The following CNTNAP3 variants were observed in gnomAD, a reference collection of about 807,000 sequenced individuals.
CNTNAP3 encodes contactin associated protein family member 3, also known as contactin-associated protein-like 3.
A neutral mutation model predicts 92.1 loss-of-function variants in CNTNAP3; 36 were observed. That is an observed-to-expected ratio of 0.39 (90% CI 0.30 to 0.52). The LOEUF is 0.52. CNTNAP3 is among the 20% of genes least tolerant of loss of function. The pLI is 0.76. For missense variants in CNTNAP3, 534 were observed against 1,069.6 expected (o/e 0.50, Z 6.98); for synonymous variants, 232 against 422.3 (o/e 0.55, Z 5.53).
chr9:39,086,693 G>C, intron 20 of CNTNAP3, 23 bp downstream of exon 20: 1 of 1,604,890 alleles, frequency 6.2e-7, no homozygotes, highest in South Asian at 1.1e-5. Context: ...TAGTTAGTTT[G>C]ACTTTTGCAT....
At chr9:39,168,006 G>GTTTTTTT (rs201151152) in intron 8 of CNTNAP3, among the ~76,000 whole-genome samples, 3 of 140,966 alleles carry the variant, frequency 2.1e-5, no homozygotes, top group African/African-American at 8.0e-5. Flanking sequence ...TTTACCTTGA[G>GTTTTTTT]TTTTTTTTTG....
chr9:39,084,247 G>A (rs1323342247), intron 21 of CNTNAP3, among the ~76,000 whole-genome samples: 5 of 141,928 alleles, frequency 3.5e-5, no homozygotes, highest in African/African-American at 1.3e-4. Context: ...CATCCAGGCT[G>A]GAGTGCAGGA....
At chr9:39,134,705 G>T (rs940609987) in intron 12 of CNTNAP3, among the ~76,000 whole-genome samples, 1 of 152,224 alleles carries the variant, frequency 6.6e-6, no homozygotes, top group Non-Finnish European at 1.5e-5. Context: ...TGGGATTACA[G>T]GTGTGAGCCA....
intron 11 of CNTNAP3, among the ~76,000 whole-genome samples, chr9:39,140,907 A>G (rs1318137111): frequency 6.6e-6 from 1 of 152,224 alleles, no homozygotes; most frequent in Non-Finnish European, 1.5e-5. Context: ...ATTTGGTCAC[A>G]GTGTATTTCT....
intron 20 of CNTNAP3, chr9:39,086,460 T>C (rs1826063346): frequency 2.2e-6 from 1 of 463,662 alleles, no homozygotes; most frequent in Admixed American, 3.8e-5. Flanking sequence ...AATAGATATT[T>C]TGATATTTTA....
intron 12 of CNTNAP3, among the ~76,000 whole-genome samples, chr9:39,134,688 A>G (rs1270972631): frequency 2.0e-5 from 3 of 152,212 alleles, no homozygotes; most frequent in Admixed American, 2.0e-4. Context: ...TTGGCCTCCC[A>G]AAGTGCTGGG....
At chr9:39,134,099 T>C (rs938261704) in intron 12 of CNTNAP3, among the ~76,000 whole-genome samples, 6 of 152,120 alleles carry the variant, frequency 3.9e-5, no homozygotes, top group East Asian at 1.9e-4. Context: ...CTGCTAACTG[T>C]GCGTAAGACA....
Position 39,101,487 on chromosome 9 carries a change from C to T in CNTNAP3, c.2755+1010G>A, listed in dbSNP as rs1164331268. Among the ~76,000 whole-genome samples, 7 of 139,048 alleles carry T rather than the reference C, an allele frequency of 5.0e-5. 3 individuals carry two copies. The highest frequency in any genetic ancestry group is 9.5e-5 in the Non-Finnish European group (6 of 63,378). 91.2% of individuals were successfully genotyped at this position (139,048 alleles called of 152,430 possible). A position where few individuals can be genotyped will look rare whatever the true frequency, so the allele number is the denominator to read the frequency against. On this transcript the variant is annotated intron_variant, in intron 17 of 23. Coordinates refer to ENST00000297668, the MANE Select transcript of CNTNAP3 (RefSeq NM_033655.5). ...GGAAAAATAAACAACAGTGATAAAACAGTAAGTAAGCAAACTAAAGGAAAG... is the reference window on the plus strand; with the variant it reads ...GGAAAAATAAACAACAGTGATAAAATAGTAAGTAAGCAAACTAAAGGAAAG...
At chr9:39,083,707 A>G (rs1386775151) in intron 21 of CNTNAP3, among the ~76,000 whole-genome samples, 1 of 151,806 alleles carries the variant, frequency 6.6e-6, no homozygotes, top group Non-Finnish European at 1.5e-5. Flanking sequence ...GCAAAACAGA[A>G]AGAATACAAT....
At position 39,083,215 on chromosome 9, in the gene CNTNAP3, C is replaced by A. The variant is rs542506365; in HGVS notation, c.3442+2521G>T. Among the ~76,000 whole-genome samples the A allele has an allele frequency of 3.4e-3, 521 of 152,090 alleles. 4 individuals are homozygous for A. The highest frequency in any genetic ancestry group is 6.8e-3 in the Middle Eastern group (2 of 294). On this transcript the variant is annotated intron_variant, in intron 21 of 23. Transcript: ENST00000297668. ...TTCAGTGGGTTTTCTTTTCTTCAGCCTAGAATGTATACCTCCTAAGGTATA... is the reference window on the plus strand; with the variant it reads ...TTCAGTGGGTTTTCTTTTCTTCAGCATAGAATGTATACCTCCTAAGGTATA...
intron 12 of CNTNAP3, 28 bp downstream of exon 12, chr9:39,140,491 T>C: frequency 1.2e-6 from 2 of 1,612,480 alleles, no homozygotes; most frequent in South Asian, 2.2e-5. Flanking sequence ...TCTATTCTGA[T>C]ATATGCATAT....
intron 14 of CNTNAP3, among the ~76,000 whole-genome samples, chr9:39,110,931 T>C (rs1287694069): frequency 6.6e-6 from 1 of 152,178 alleles, no homozygotes; most frequent in Non-Finnish European, 1.5e-5. Flanking sequence ...TTTTTTAAAT[T>C]GCCCAGTTCT....
intron 19 of CNTNAP3, 35 bp downstream of exon 19, chr9:39,088,388 A>C: frequency 6.9e-7 from 1 of 1,450,174 alleles, no homozygotes; most frequent in African/African-American, 1.4e-5. Flanking sequence ...TTTCTAACTC[A>C]GGGTTCTCTT....
intron 12 of CNTNAP3, among the ~76,000 whole-genome samples, chr9:39,134,601 T>G (rs1407712226): frequency 1.3e-5 from 2 of 151,950 alleles, no homozygotes; most frequent in Non-Finnish European, 2.9e-5. Context: ...ATTTTTGTAT[T>G]TTTTTAGTAG....
chr9:39,143,449 T>G (rs945826322), intron 11 of CNTNAP3, among the ~76,000 whole-genome samples: 2 of 152,012 alleles, frequency 1.3e-5, no homozygotes, highest in African/African-American at 4.8e-5. Context: ...GCCAAGGCTG[T>G]GGAGCCAACC....
chr9:39,124,693 C>T (rs557772028), intron 13 of CNTNAP3, among the ~76,000 whole-genome samples: 5,989 of 151,930 alleles, frequency 0.039, 159 homozygotes, highest in Non-Finnish European at 0.061. Context: ...AAAAAGTGGG[C>T]GAAGTATATG....
At chr9:39,081,908 C>T (rs1014082553) in intron 21 of CNTNAP3, among the ~76,000 whole-genome samples, 6 of 134,714 alleles carry the variant, frequency 4.5e-5, no homozygotes, top group Non-Finnish European at 8.0e-5. Flanking sequence ...GAAACCCCAT[C>T]TCTACTAAAA....
At chr9:39,125,089 C>A (rs1821125169) in intron 13 of CNTNAP3, among the ~76,000 whole-genome samples, 1 of 151,986 alleles carries the variant, frequency 6.6e-6, no homozygotes, top group South Asian at 2.1e-4. Flanking sequence ...TTCACAATAG[C>A]AAAGACTTGG....
At chr9:39,079,239 A>C (rs1825873200) in intron 21 of CNTNAP3, among the ~76,000 whole-genome samples, 1 of 152,136 alleles carries the variant, frequency 6.6e-6, no homozygotes, top group Non-Finnish European at 1.5e-5. Context: ...TTTAATTTTT[A>C]AAATATAGCA....
Sources: gnomAD v4.1 joint callset for allele counts (sites outside exome capture counted in the v4.1 genomes callset) on GRCh38, gnomAD v4.1.1 for gene constraint, MANE v1.5 for transcripts, NCBI Gene and HGNC (gene_info 2026-07-23, HGNC 2026-07-21) for gene names.